Variants in JPH2 observed in about 807,000 individuals in gnomAD.
JPH2 encodes junctophilin-2.
Under a neutral mutation model 55.9 loss-of-function variants are expected in JPH2, and 38 were observed. That is an observed-to-expected ratio of 0.68 (90% CI 0.52 to 0.89). JPH2 has a LOEUF of 0.89. JPH2 is among the 40% of genes least tolerant of loss of function. The pLI is 0.00. For synonymous variants in JPH2, 480 were observed against 472.4 expected (o/e 1.02, Z -0.21); for missense variants, 964 against 1,037.6 (o/e 0.93, Z 0.97).
chr20:44,145,527 G>A (rs758849650), intron 2 of JPH2, among the ~76,000 whole-genome samples: 3 of 151,716 alleles, frequency 2.0e-5, no homozygotes, highest in Non-Finnish European at 1.5e-5. Context: ...TCGCTTGAAC[G>A]CGGGAGGAGG....
Position 44,115,855 on chromosome 20 carries a change from G to A in JPH2, c.1820C>T (p.Pro607Leu). The A allele has an allele frequency of 6.3e-7, 1 of 1,590,390 alleles. No individual in the cohort carries two copies. The highest frequency in any genetic ancestry group is 8.5e-7 in the Non-Finnish European group (1 of 1,173,704). Residue 607 changes from proline to leucine, a missense_variant, in exon 4 of 6, where the codon CCC (proline) becomes CTC (leucine). By Grantham distance (98) the Pro-to-Leu change is moderately conservative. Transcript: ENST00000372980. The stretch of plus-strand genomic sequence containing the variant: ...TGCAGGCTCGGGGCCTCGGAGCGTG[G>A]GGGCCTGCAGCGGGGCGGTGGCCGG... ...SSPATAPLQA[P>L]TLRGPEPARE...
chr20:44,172,098 T>G (rs991182896), intron 1 of JPH2, among the ~76,000 whole-genome samples: 3 of 152,194 alleles, frequency 2.0e-5, no homozygotes, highest in African/African-American at 7.2e-5. Flanking sequence ...CTAGCAGAGA[T>G]CTCGGGCTCT....
At chr20:44,122,078 T>C (rs1258509776) in intron 2 of JPH2, among the ~76,000 whole-genome samples, 3 of 152,222 alleles carry the variant, frequency 2.0e-5, no homozygotes, top group Non-Finnish European at 4.4e-5. Flanking sequence ...TTCTGGGATC[T>C]AGAGTCTGTA....
chr20:44,186,310 C>A lies in JPH2; in HGVS notation c.379+17G>T, dbSNP rs765611071. 2 of 1,608,984 alleles carry A rather than the reference C, an allele frequency of 1.2e-6. No individual in the cohort carries two copies. Among genetic ancestry groups the A allele is most frequent in the Middle Eastern group, 1.6e-4 (1 of 6,080 alleles). On this transcript the variant is annotated intron_variant, in intron 1 of 5. Transcript: ENST00000372980. ...CCTGGCTCCACCCCACCTCTGCGGG[C>A]CCCCAGCTGGCCTCACCTCCATCAG...
chr20:44,159,376 TAGAA>T lies in JPH2; in HGVS notation c.1169+238_1169+241del, dbSNP rs1486427799. Among the ~76,000 whole-genome samples, 3 of 151,834 alleles carry T rather than the reference TAGAA, an allele frequency of 2.0e-5. No individual in the cohort carries two copies. Among genetic ancestry groups the T allele is most frequent in the Non-Finnish European group, 4.4e-5 (3 of 67,952 alleles). On this transcript the variant is annotated intron_variant, in intron 2 of 5. Coordinates refer to ENST00000372980, the MANE Select transcript of JPH2 (RefSeq NM_020433.5). This position sits in a 1 kb window ranked among gnomAD's most constrained non-coding sequence, Gnocchi z 5.7. ...GAGAGATGGCTGTTCAGGTGGATAT[TAGAA>T]AGGTTGGGTGAGTGGTAGGGTTAAG...
intron 2 of JPH2, among the ~76,000 whole-genome samples, chr20:44,138,326 T>A (rs2072431137): frequency 7.4e-6 from 1 of 135,874 alleles, no homozygotes; most frequent in Non-Finnish European, 1.6e-5. Context: ...CTTTAATGCG[T>A]CTCTTACACG....
chr20:44,160,477 G>C lies in JPH2; in HGVS notation c.380-70C>G. ...CCCGCGTGTGCACGGTGGCCTGGGA[G>C]GGCAAGGGCGGGAGTGGGCAAGGCG... On this transcript the variant is annotated intron_variant, in intron 1 of 5. Coordinates refer to ENST00000372980, the MANE Select transcript of JPH2 (RefSeq NM_020433.5). The surrounding 1 kb of genome is among the most constrained non-coding windows in gnomAD (Gnocchi z 4.9). The C allele has an allele frequency of 6.5e-7, 1 of 1,536,070 alleles. No individual in the cohort carries two copies. The highest frequency in any genetic ancestry group is 8.8e-7 in the Non-Finnish European group (1 of 1,131,120).
intron 1 of JPH2, among the ~76,000 whole-genome samples, chr20:44,168,689 A>G (rs886069733): frequency 2.0e-5 from 3 of 152,242 alleles, no homozygotes; most frequent in African/African-American, 7.2e-5. Flanking sequence ...TTTCACCTCT[A>G]AGAATATGAG....
At chr20:44,137,167 A>G (rs1318292677) in intron 2 of JPH2, among the ~76,000 whole-genome samples, 1 of 152,112 alleles carries the variant, frequency 6.6e-6, no homozygotes, top group African/African-American at 2.4e-5. Flanking sequence ...TTTTCTCCCC[A>G]AGGGTTGGGC....
At chr20:44,182,154 G>GGCTGC (rs1384771350) in intron 1 of JPH2, among the ~76,000 whole-genome samples, 2 of 152,046 alleles carry the variant, frequency 1.3e-5, no homozygotes, top group East Asian at 3.9e-4. Flanking sequence ...AATGACCCAG[G>GGCTGC]GCTGCCTGAC....
intron 2 of JPH2, among the ~76,000 whole-genome samples, chr20:44,134,600 ATT>A (rs1282440268): frequency 4.5e-5 from 1 of 22,072 alleles, no homozygotes; most frequent in African/African-American, 2.3e-4. Flanking sequence ...ATAAATATAT[ATT>A]TATTATAAAT....
chr20:44,147,903 C>G (rs754862255), intron 2 of JPH2, among the ~76,000 whole-genome samples: 14 of 152,290 alleles, frequency 9.2e-5, no homozygotes, highest in Non-Finnish European at 1.9e-4. Context: ...TGGCTCATGC[C>G]TGTAATTCCA....
At chr20:44,134,885 TA>T (rs1569195809) in intron 2 of JPH2, among the ~76,000 whole-genome samples, 202 of 45,740 alleles carry the variant, frequency 4.4e-3, no homozygotes, top group Non-Finnish European at 6.3e-3. Flanking sequence ...TTTATATATA[TA>T]TTAATATATA....
chr20:44,159,560 C>T lies in JPH2; in HGVS notation c.1169+58G>A. The T allele has an allele frequency of 1.3e-6, 2 of 1,538,292 alleles. No individual in the cohort carries two copies. Among genetic ancestry groups the T allele is most frequent in the African/African-American group, 1.4e-5 (1 of 73,316 alleles). ...GACAGGGCCTCCTAGGTTGCCCTGCCCCAGGACCCCCTTCTCCGAGGGGAG... is the reference window on the plus strand; with the variant it reads ...GACAGGGCCTCCTAGGTTGCCCTGCTCCAGGACCCCCTTCTCCGAGGGGAG... On this transcript the variant is annotated intron_variant, in intron 2 of 5. Coordinates refer to ENST00000372980, the MANE Select transcript of JPH2 (RefSeq NM_020433.5). The surrounding 1 kb of genome is among the most constrained non-coding windows in gnomAD (Gnocchi z 5.7).
At chr20:44,145,094 G>A (rs550981867) in intron 2 of JPH2, among the ~76,000 whole-genome samples, 1 of 152,268 alleles carries the variant, frequency 6.6e-6, no homozygotes, top group Admixed American at 6.5e-5. Context: ...CCCTGGGGCA[G>A]CCACTAGCAT....
chr20:44,161,343 C>T (rs2072608508), intron 1 of JPH2, among the ~76,000 whole-genome samples: 1 of 152,028 alleles, frequency 6.6e-6, no homozygotes, highest in South Asian at 2.1e-4. Context: ...CAACTTAGGC[C>T]CTGCATGTAC....
chr20:44,134,334 A>T (rs868623708), intron 2 of JPH2, among the ~76,000 whole-genome samples: 14 of 1,626 alleles, frequency 8.6e-3, no homozygotes, highest in East Asian at 0.067. Context: ...TAATAAATAT[A>T]TAATAAATAT....
intron 2 of JPH2, among the ~76,000 whole-genome samples, chr20:44,158,689 C>T (rs1002362386): frequency 7.2e-5 from 11 of 151,860 alleles, no homozygotes; most frequent in African/African-American, 2.4e-4. Flanking sequence ...GGTGGATGGA[C>T]GCATGGGTAG....
intron 2 of JPH2, among the ~76,000 whole-genome samples, chr20:44,128,495 T>C (rs185627743): frequency 1.3e-5 from 2 of 152,246 alleles, no homozygotes; most frequent in South Asian, 2.1e-4. Flanking sequence ...AACAAGCCTA[T>C]GGGGCAGGAG....
Sources: allele counts gnomAD v4.1 joint callset (sites outside exome capture counted in the v4.1 genomes callset), GRCh38; gene constraint gnomAD v4.1.1; non-coding constraint Gnocchi (gnomAD v3.1); transcripts MANE v1.5; gene names NCBI Gene and HGNC (gene_info 2026-07-23, HGNC 2026-07-21).